The following MRTFB variants were observed in gnomAD, a reference collection of about 807,000 sequenced individuals.
MRTFB encodes myocardin related transcription factor B.
MRTFB carries 29 observed loss-of-function variants against 104.2 expected under a neutral mutation model. The observed-to-expected ratio is 0.28, with a 90% CI of 0.21 to 0.38. The LOEUF is 0.38. MRTFB is among the 10% of genes least tolerant of loss of function. MRTFB has a pLI of 1.00. For synonymous variants in MRTFB, 535 were observed against 519.5 expected (o/e 1.03, Z -0.41); for missense variants, 1,270 against 1,341.6 (o/e 0.95, Z 0.83).
chr16:14,238,883 A>C (rs2042641575), intron 9 of MRTFB, among the ~76,000 whole-genome samples: 1 of 152,216 alleles, frequency 6.6e-6, no homozygotes, highest in South Asian at 2.1e-4. Context: ...ATTGGATTAT[A>C]TTATGTCCAG....
chr16:14,258,936 A>G (rs1449338846), intron 16 of MRTFB, among the ~76,000 whole-genome samples: 2 of 152,238 alleles, frequency 1.3e-5, no homozygotes, highest in African/African-American at 4.8e-5. Flanking sequence ...ATTCCTGGAT[A>G]GTATTTGCAT....
At chr16:14,210,847 C>G (rs79949612) in intron 4 of MRTFB, among the ~76,000 whole-genome samples, 2,556 of 152,170 alleles carry the variant, frequency 0.017, 80 homozygotes, top group African/African-American at 0.058. Context: ...GGGTTTGTTC[C>G]TTTCAGAAAT....
the MRTFB span, among the ~76,000 whole-genome samples, chr16:14,026,317 C>G: frequency 6.6e-6 from 1 of 152,160 alleles, no homozygotes; most frequent in East Asian, 1.9e-4. Context: ...GTACCCACAA[C>G]TGATTTTTTA....
intron 3 of MRTFB, among the ~76,000 whole-genome samples, chr16:14,201,550 A>G (rs2040705240): frequency 6.6e-6 from 1 of 152,204 alleles, no homozygotes. Context: ...TAACTACTTT[A>G]TAAAATTTTA....
At chr16:14,157,959 T>C (rs1006213968) in intron 3 of MRTFB, among the ~76,000 whole-genome samples, 3 of 152,246 alleles carry the variant, frequency 2.0e-5, no homozygotes, top group East Asian at 3.8e-4. Context: ...TGTAATTATT[T>C]GAATTAATGC....
At chr16:14,022,596 C>G in the MRTFB span, among the ~76,000 whole-genome samples, 1 of 152,082 alleles carries the variant, frequency 6.6e-6, no homozygotes, top group Non-Finnish European at 1.5e-5. Flanking sequence ...AGGGTTTCAC[C>G]ATGTTGGCCA....
At chr16:14,239,211 G>A (rs2042656102) in intron 9 of MRTFB, among the ~76,000 whole-genome samples, 2 of 152,180 alleles carry the variant, frequency 1.3e-5, no homozygotes, top group African/African-American at 4.8e-5. Flanking sequence ...TTTCTAATAA[G>A]CATATATGGT....
the MRTFB span, among the ~76,000 whole-genome samples, chr16:14,058,608 A>G: frequency 6.6e-6 from 1 of 152,156 alleles, no homozygotes; most frequent in African/African-American, 2.4e-5. Flanking sequence ...AGACTGGATC[A>G]GAACTCTCAA....
At chr16:14,008,742 G>A in the MRTFB span, among the ~76,000 whole-genome samples, 1 of 152,054 alleles carries the variant, frequency 6.6e-6, no homozygotes, top group Non-Finnish European at 1.5e-5. Context: ...TGAAAGGATG[G>A]CATTGAATCT....
intron 3 of MRTFB, chr16:14,143,013 A>G (rs891308139): frequency 2.6e-5 from 4 of 152,152 alleles, no homozygotes; most frequent in Non-Finnish European, 4.4e-5. Context: ...TCTATATGTG[A>G]ATCTTTGTGG....
intron 15 of MRTFB, among the ~76,000 whole-genome samples, chr16:14,257,760 G>C (rs1479697825): frequency 6.6e-6 from 1 of 152,106 alleles, no homozygotes; most frequent in Admixed American, 6.5e-5. Context: ...AATATGTATA[G>C]TGTGATCACC....
the MRTFB span, among the ~76,000 whole-genome samples, chr16:14,012,385 GC>G: frequency 7.0e-6 from 1 of 142,610 alleles, no homozygotes; most frequent in Non-Finnish European, 1.5e-5. Context: ...TGCAACCTCT[GC>G]CTCCCGGGTT....
chr16:14,258,277 A>C (rs1479817753), intron 16 of MRTFB, 116 bp downstream of exon 16: 1 of 792,772 alleles, frequency 1.3e-6, no homozygotes, highest in African/African-American at 1.8e-5. Flanking sequence ...GTGTTCTTCT[A>C]ACTGAATTTA....
At chr16:14,104,719 G>A (rs561338635) in intron 2 of MRTFB, among the ~76,000 whole-genome samples, 1 of 152,222 alleles carries the variant, frequency 6.6e-6, no homozygotes, top group South Asian at 2.1e-4. Flanking sequence ...GAGAACCTCA[G>A]TAAATTTTAT....
At chr16:14,235,627 GA>G (rs894088234) in intron 9 of MRTFB, among the ~76,000 whole-genome samples, 4 of 152,180 alleles carry the variant, frequency 2.6e-5, no homozygotes, top group Non-Finnish European at 4.4e-5. Flanking sequence ...AACACATTAG[GA>G]AACAGACCAG....
rs142527585 is a variant in MRTFB, at chr16:14,187,363, C to T, written c.155-22880C>T. Among the ~76,000 whole-genome samples, 23 of 152,246 alleles carry T rather than the reference C, an allele frequency of 1.5e-4. No homozygotes were observed. In the East Asian group the frequency reaches 4.2e-3, roughly 28 times the overall value. Reference sequence around the variant, plus strand: ...TCTTCCCTCTGTCTTTTCGGAGAGGCCATTTCCTTTTTTATGTTAGTGAGA... The same window carrying T: ...TCTTCCCTCTGTCTTTTCGGAGAGGTCATTTCCTTTTTTATGTTAGTGAGA... On this transcript the variant is annotated intron_variant, in intron 3 of 16. Coordinates refer to ENST00000571589, the MANE Select transcript of MRTFB (RefSeq NM_001308142.2).
intron 8 of MRTFB, among the ~76,000 whole-genome samples, chr16:14,231,893 T>G (rs1461703259): frequency 6.6e-6 from 1 of 152,240 alleles, no homozygotes; most frequent in Non-Finnish European, 1.5e-5. Flanking sequence ...TTTTGATATA[T>G]TTATCTTCAG....
chr16:14,147,445 A>G (rs2038374085), intron 3 of MRTFB, among the ~76,000 whole-genome samples: 1 of 152,132 alleles, frequency 6.6e-6, no homozygotes, highest in South Asian at 2.1e-4. Flanking sequence ...TCCTATTAGT[A>G]TGTTTTGATT....
At chr16:14,114,674 A>G in intron 2 of MRTFB, among the ~76,000 whole-genome samples, 1 of 152,008 alleles carries the variant, frequency 6.6e-6, no homozygotes, top group Non-Finnish European at 1.5e-5. Flanking sequence ...GTTTTTTTGG[A>G]CCAGTAATTT....
Sources: allele counts gnomAD v4.1 joint callset (sites outside exome capture counted in the v4.1 genomes callset), GRCh38; gene constraint gnomAD v4.1.1; transcripts MANE v1.5; gene names NCBI Gene and HGNC (gene_info 2026-07-23, HGNC 2026-07-21).